Variants in INSL6 observed in about 807,000 individuals in gnomAD.
INSL6 encodes the protein insulin-like peptide INSL6.
INSL6 carries 16 observed loss-of-function variants against 9.4 expected under a neutral mutation model. The observed-to-expected ratio is 1.70, with a 90% CI of 1.15 to 2.59. The LOEUF is 2.59. Ranked by LOEUF, INSL6 falls within the 30% of genes most tolerant of loss-of-function variation. The pLI, the probability that INSL6 is intolerant of heterozygous loss-of-function variation, is 0.00. For missense variants in INSL6, 391 were observed against 257.3 expected, an observed-to-expected ratio of 1.52 and a Z score of -3.56; for synonymous variants, 154 against 96.9, an observed-to-expected ratio of 1.59 and a Z score of -3.46.
In INSL6 at chr9:5,179,195, G is replaced by A. The variant is rs77585064; in HGVS notation, c.289+6119C>T. On this transcript the variant is annotated intron_variant, in intron 1 of 1. Coordinates refer to ENST00000381641, the MANE Select transcript of INSL6 (RefSeq NM_007179.3). ...AAAAAAACAACCCCATTAAAAAGTG[G>A]GCAAAAGACATGAACAGAGAGTTCT... Among the ~76,000 whole-genome samples the A allele has an allele frequency of 3.5e-3, 529 of 152,044 alleles. 4 individuals carry two copies. Among genetic ancestry groups the A allele is most frequent in the African/African-American group, 0.013 (520 of 41,434 alleles).
chr9:5,141,827 T>C (rs560505019), intron 2 of INSL6, among the ~76,000 whole-genome samples: 1 of 152,344 alleles, frequency 6.6e-6, no homozygotes, highest in Non-Finnish European at 1.5e-5. Flanking sequence ...GCCTAGGTTG[T>C]CTCCCAGAGT....
chr9:5,065,651 A>G, the INSL6 span, among the ~76,000 whole-genome samples: 36 of 152,344 alleles, frequency 2.4e-4, no homozygotes, highest in Middle Eastern at 6.8e-3. Context: ...TAACTATCAC[A>G]TTGGCTCACA....
chr9:5,066,617 A>T, the INSL6 span: 3,521 of 905,802 alleles, frequency 3.9e-3, 11 homozygotes, highest in Non-Finnish European at 5.2e-3. Context: ...TTTAGATGAC[A>T]CTTGGTCATA....
the INSL6 span, among the ~76,000 whole-genome samples, chr9:5,116,742 G>C: frequency 1.3e-5 from 2 of 152,142 alleles, no homozygotes; most frequent in Admixed American, 1.3e-4. Context: ...TAGTAGAAAG[G>C]CTGAACTAAA....
intron 3 of INSL6, among the ~76,000 whole-genome samples, chr9:5,131,585 C>T (rs1425646323): frequency 1.3e-5 from 2 of 151,608 alleles, no homozygotes; most frequent in African/African-American, 4.9e-5. Context: ...TTACAGGTGC[C>T]CGCCACCACG....
chr9:5,116,914 CAG>C, the INSL6 span, among the ~76,000 whole-genome samples: 1 of 152,302 alleles, frequency 6.6e-6, no homozygotes, highest in East Asian at 1.9e-4. Context: ...GAAAACATAA[CAG>C]TACAAATAAT....
chr9:5,060,236 G>A, the INSL6 span, among the ~76,000 whole-genome samples: 1 of 152,212 alleles, frequency 6.6e-6, no homozygotes. Context: ...GTTGATGGCT[G>A]CTGACCGATC....
At chr9:5,016,562 C>T in the INSL6 span, among the ~76,000 whole-genome samples, 3 of 152,306 alleles carry the variant, frequency 2.0e-5, no homozygotes, top group South Asian at 6.2e-4. Context: ...AAGTAAACCT[C>T]TAATTGAAGT....
At chr9:5,093,820 T>A in the INSL6 span, among the ~76,000 whole-genome samples, 3 of 152,308 alleles carry the variant, frequency 2.0e-5, no homozygotes, top group Admixed American at 2.0e-4. Flanking sequence ...GTGTAGCCGC[T>A]ATTAAGGGTT....
intron 1 of INSL6, among the ~76,000 whole-genome samples, chr9:5,176,264 T>C (rs866084196): frequency 6.6e-6 from 1 of 152,198 alleles, no homozygotes; most frequent in Non-Finnish European, 1.5e-5. Flanking sequence ...ATCTCACCTT[T>C]TCAATAATTG....
chr9:5,180,532 G>A (rs1187244626), intron 1 of INSL6, among the ~76,000 whole-genome samples: 1 of 152,052 alleles, frequency 6.6e-6, no homozygotes, highest in Non-Finnish European at 1.5e-5. Flanking sequence ...CTACTGGAGG[G>A]AGGTCTATAA....
downstream of INSL6, among the ~76,000 whole-genome samples, chr9:5,159,370 T>A (rs111449892): frequency 6.6e-6 from 1 of 151,218 alleles, no homozygotes; most frequent in Non-Finnish European, 1.5e-5. Context: ...TTTTTTTTTT[T>A]TAAAAAAAGG....
chr9:5,089,037 A>AAGTT, the INSL6 span, among the ~76,000 whole-genome samples: 16 of 152,218 alleles, frequency 1.1e-4, no homozygotes, highest in African/African-American at 3.9e-4. Flanking sequence ...TTCTTCCTGG[A>AAGTT]AGTTAGTGAC....
the INSL6 span, chr9:5,078,382 G>T: frequency 6.2e-7 from 1 of 1,613,002 alleles, no homozygotes; most frequent in Non-Finnish European, 8.5e-7. Flanking sequence ...AGGAAGACAG[G>T]AAATCCTCCT....
the INSL6 span, among the ~76,000 whole-genome samples, chr9:5,033,823 C>T: frequency 6.6e-6 from 1 of 152,170 alleles, no homozygotes; most frequent in Admixed American, 6.5e-5. Context: ...TAGGAAGAAA[C>T]TGCATCAACT....
the INSL6 span, chr9:5,085,183 C>T: frequency 4.6e-6 from 3 of 656,014 alleles, no homozygotes; most frequent in South Asian, 2.7e-5. Context: ...CAAACTGAAC[C>T]ATCTCATGAT....
the INSL6 span, chr9:5,073,570 T>C: frequency 2.2e-5 from 16 of 720,652 alleles, no homozygotes; most frequent in Admixed American, 4.4e-5. Context: ...CCAAAGCACA[T>C]TGTATCCTCA....
At chr9:5,114,243 A>G in the INSL6 span, 2 of 532,590 alleles carry the variant, frequency 3.8e-6, no homozygotes, top group Non-Finnish European at 3.7e-6. Context: ...CAAGTTGCCC[A>G]CAATCACCTG....
chr9:5,114,081 C>G, the INSL6 span: 1 of 334,888 alleles, frequency 3.0e-6, no homozygotes, highest in South Asian at 3.0e-5. Context: ...CACCCTCACC[C>G]AGAAGCGCTG....
Sources: gnomAD v4.1 joint callset for allele counts (sites outside exome capture counted in the v4.1 genomes callset) on GRCh38, gnomAD v4.1.1 for gene constraint, MANE v1.5 for transcripts, NCBI Gene and HGNC (gene_info 2026-07-23, HGNC 2026-07-21) for gene names.